Variants in COL4A5 observed in about 807,000 individuals in gnomAD.
The protein encoded by COL4A5 is collagen alpha-5(IV) chain.
Under a neutral mutation model 130.2 loss-of-function variants are expected in COL4A5, and 26 were observed. The ratio of observed to expected loss-of-function variants is 0.20; its 90% CI spans 0.15 to 0.28. The LOEUF (loss-of-function observed/expected upper bound fraction) is 0.28. Ranked by LOEUF, COL4A5 falls within the 10% of genes least tolerant of loss-of-function variation. The pLI is 1.00. For synonymous variants in COL4A5, 496 were observed against 439.6 expected, an observed-to-expected ratio of 1.13 and a Z score of -1.60; for missense variants, 1,131 against 1,344.3, an observed-to-expected ratio of 0.84 and a Z score of 2.48.
intron 47 of COL4A5, among the ~76,000 whole-genome samples, chrX:108,684,630 A>C (rs748369708): frequency 4.4e-5 from 5 of 112,756 alleles, no homozygotes; most frequent in African/African-American, 1.6e-4. Flanking sequence ...CACCCAAAAA[A>C]AGTCCAGGAC....
intron 36 of COL4A5, among the ~76,000 whole-genome samples, chrX:108,637,570 A>G (rs1420729569): frequency 1.8e-5 from 2 of 111,857 alleles, no homozygotes; most frequent in African/African-American, 6.5e-5. Flanking sequence ...CAAGAAAAAG[A>G]GAGAAGACTC....
chrX:108,648,914 A>G (rs1268101459), intron 36 of COL4A5, among the ~76,000 whole-genome samples: 1 of 111,211 alleles, frequency 9.0e-6, no homozygotes, highest in African/African-American at 3.3e-5. Flanking sequence ...GAGAAAGAAA[A>G]AAAGAACATC....
intron 36 of COL4A5, among the ~76,000 whole-genome samples, chrX:108,646,530 T>G (rs190505144): frequency 0.098 from 10,851 of 110,577 alleles, 1,274 homozygotes; most frequent in African/African-American, 0.32. Context: ...TTCTGTAGGT[T>G]GCCTGTTCAC....
At chrX:108,589,129 A>G (rs1413136932) in intron 19 of COL4A5, among the ~76,000 whole-genome samples, 1 of 111,848 alleles carries the variant, frequency 8.9e-6, no homozygotes, top group African/African-American at 3.2e-5. Flanking sequence ...AATTGTAAAC[A>G]TTATTAACGT....
chrX:108,482,741 C>T (rs910480908), intron 1 of COL4A5, among the ~76,000 whole-genome samples: 3 of 111,449 alleles, frequency 2.7e-5, no homozygotes, highest in Admixed American at 1.9e-4. Context: ...TCTACAAGGG[C>T]GAAGACTCTC....
chrX:108,443,066 G>C (rs2064417866), intron 1 of COL4A5: 1 of 111,534 alleles, frequency 9.0e-6, no homozygotes, highest in Admixed American at 9.5e-5. Flanking sequence ...TTACTGGTGT[G>C]TAAAGTATTT....
At chrX:108,529,922 CAA>C (rs1165762955) in intron 1 of COL4A5, among the ~76,000 whole-genome samples, 1 of 111,018 alleles carries the variant, frequency 9.0e-6, no homozygotes, top group Non-Finnish European at 1.9e-5. Context: ...GCAAATATTC[CAA>C]AGAGAGAAAT....
chrX:108,442,966 G>T (rs2064416900), intron 1 of COL4A5: 1 of 111,797 alleles, frequency 8.9e-6, no homozygotes, highest in African/African-American at 3.3e-5. Flanking sequence ...TTGTGAAGCT[G>T]GAAAATTTGA....
intron 37 of COL4A5, 84 bp downstream of exon 37, chrX:108,655,541 G>A: frequency 9.3e-7 from 1 of 1,080,789 alleles, no homozygotes; most frequent in Non-Finnish European, 1.3e-6. Flanking sequence ...TTATTTGGCA[G>A]ACTTATATTT....
At chrX:108,669,998 C>A in intron 41 of COL4A5, 1 of 373,897 alleles carries the variant, frequency 2.7e-6, no homozygotes. Context: ...TTTAAAAATA[C>A]GCCACAGTGT....
At chrX:108,485,784 G>A (rs775587816) in intron 1 of COL4A5, among the ~76,000 whole-genome samples, 10 of 110,482 alleles carry the variant, frequency 9.1e-5, no homozygotes, top group Non-Finnish European at 1.5e-4. Context: ...TTGAGGGAGC[G>A]GTGACACAAG....
At chrX:108,473,460 T>G (rs957745683) in intron 1 of COL4A5, among the ~76,000 whole-genome samples, 1 of 107,140 alleles carries the variant, frequency 9.3e-6, no homozygotes, top group Non-Finnish European at 1.9e-5. Flanking sequence ...GTGATATTGA[T>G]GATTCTGACC....
intron 1 of COL4A5, among the ~76,000 whole-genome samples, chrX:108,525,689 C>T (rs1447582799): frequency 6.3e-5 from 7 of 111,061 alleles, no homozygotes; most frequent in Non-Finnish European, 9.4e-5. Flanking sequence ...TTGCTTACCA[C>T]GTAAATTATA....
rs192864670 is a variant in COL4A5 at position 108,491,526 on chromosome X, T to G, written c.82-48220T>G. ...TTGCACTAAATAAACTGGCAAATAC[T>G]CTCAGAATCAACTTTACTGGCATTA... On this transcript the variant is annotated intron_variant, in intron 1 of 52. Transcript: ENST00000328300. Among the ~76,000 whole-genome samples, 961 of 111,767 alleles carry G rather than the reference T, an allele frequency of 8.6e-3. 8 individuals are homozygous for G. The highest frequency in any genetic ancestry group is 0.051 in the South Asian group (135 of 2,664).
At chrX:108,582,771 C>A in intron 16 of COL4A5, 113 bp from the exon 17 acceptor site, 4 of 431,421 alleles carry the variant, frequency 9.3e-6, no homozygotes, top group East Asian at 5.1e-5. Context: ...AAAGTTAATT[C>A]TGACTGACCA....
chrX:108,553,978 A>G (rs1441939783), intron 2 of COL4A5, among the ~76,000 whole-genome samples: 1 of 112,157 alleles, frequency 8.9e-6, no homozygotes, highest in African/African-American at 3.2e-5. Flanking sequence ...CAAAAAGAGT[A>G]CATTCTTTAT....
At chrX:108,458,533 T>C (rs776740919) in intron 1 of COL4A5, among the ~76,000 whole-genome samples, 1 of 111,953 alleles carries the variant, frequency 8.9e-6, no homozygotes, top group South Asian at 3.7e-4. Flanking sequence ...AATTTCTATA[T>C]AAATTTTACA....
At chrX:108,685,164 G>T (rs1272940366) in intron 47 of COL4A5, among the ~76,000 whole-genome samples, 1 of 111,920 alleles carries the variant, frequency 8.9e-6, no homozygotes, top group African/African-American at 3.2e-5. Flanking sequence ...ATGGGCAAAA[G>T]CTGGAAGCAT....
intron 3 of COL4A5, 76 bp downstream of exon 3, chrX:108,559,229 C>T: frequency 2.6e-6 from 2 of 757,532 alleles, no homozygotes; most frequent in Non-Finnish European, 4.1e-6. Context: ...GTCACATCAA[C>T]TAAAAAGTTA....
Sources: gnomAD v4.1 joint callset for allele counts (sites outside exome capture counted in the v4.1 genomes callset) on GRCh38, gnomAD v4.1.1 for gene constraint, MANE v1.5 for transcripts, NCBI Gene and HGNC (gene_info 2026-07-23, HGNC 2026-07-21) for gene names.